Variants in GLI2 observed in about 807,000 individuals in gnomAD.
GLI2 encodes GLI family zinc finger 2, also known as transcription activator GLI2.
In GLI2, 22 loss-of-function variants were observed where a neutral mutation model predicts 78.9. The observed-to-expected ratio is 0.28, with a 90% confidence interval of 0.20 to 0.40. The LOEUF (loss-of-function observed/expected upper bound fraction) is 0.40, where lower values mean the gene tolerates loss of function less well. GLI2 is among the 10% of genes least tolerant of loss of function. The pLI, the probability that GLI2 is intolerant of heterozygous loss-of-function variation, is 1.00. For synonymous variants in GLI2, 974 were observed against 963.7 expected (o/e 1.01, Z -0.20); for missense variants, 2,097 against 2,213.2 (o/e 0.95, Z 1.05).
rs143225268 is a variant in GLI2 at position 120,829,158 on chromosome 2, A to G, written c.148+31690A>G. On this transcript the variant is annotated intron_variant, in intron 2 of 13. Transcript: ENST00000361492. ...ATCACCACGTGCACACCCAGCACCC[A>G]CACGCACCCTTCATACACTTATACA... 3.2e-3 allele frequency among the ~76,000 whole-genome samples: 488 copies of G among 152,272 alleles called. 2 individuals are homozygous for G. The highest frequency in any genetic ancestry group is 5.4e-3 in the Non-Finnish European group (369 of 68,024).
rs182118157 is a variant in GLI2 at position 120,984,487 on chromosome 2, A to G, written c.1649A>G (p.Lys550Arg). The G allele has an allele frequency of 1.9e-6, 3 of 1,614,202 alleles. No individual in the cohort carries two copies. The highest frequency in any genetic ancestry group is 3.3e-5 in the Admixed American group (2 of 60,026). The change falls in exon 12 of 14, where the codon AAG becomes AGG. Residue 550 changes from lysine to arginine, a missense_variant. Physicochemically the swap from Lys to Arg is conservative, Grantham distance 26. Around this residue, in one of 5 missense-constraint regions of GLI2, gnomAD observed 104 missense variants for 190.6 expected, o/e 0.55. Coordinates refer to ENST00000361492, the MANE Select transcript of GLI2 (RefSeq NM_001374353.1). ...THSNEKPYIC[K>R]IPGCTKRYTD... ...TCTCCCCAGAAACCCTACATCTGCA[A>G]GATCCCAGGCTGCACCAAGAGATAC... is the stretch of plus-strand genomic sequence containing the variant.
intron 1 of GLI2, among the ~76,000 whole-genome samples, chr2:120,784,695 AT>A (rs1030820325): frequency 5.3e-5 from 8 of 152,004 alleles, no homozygotes; most frequent in African/African-American, 1.9e-4. Flanking sequence ...CACAGCCTCC[AT>A]CTGCTGTGGT....
intron 5 of GLI2, among the ~76,000 whole-genome samples, chr2:120,965,505 A>G (rs1288557642): frequency 2.1e-5 from 3 of 144,856 alleles, no homozygotes; most frequent in African/African-American, 5.2e-5. Flanking sequence ...AGAGGGGCAC[A>G]CTCCAGCCGG....
intron 1 of GLI2, among the ~76,000 whole-genome samples, chr2:120,781,249 A>G (rs886605816): frequency 6.6e-6 from 1 of 151,940 alleles, no homozygotes; most frequent in Non-Finnish European, 1.5e-5. Context: ...GTGCGGGGGG[A>G]TGAGGAGAAA....
At chr2:120,842,104 G>C (rs1335194229) in intron 2 of GLI2, among the ~76,000 whole-genome samples, 1 of 141,704 alleles carries the variant, frequency 7.1e-6, no homozygotes, top group Non-Finnish European at 1.5e-5. Context: ...AAGTTGATGA[G>C]ATTGAAACCA....
chr2:120,739,344 G>T (rs1682459660), intron 1 of GLI2, among the ~76,000 whole-genome samples: 1 of 152,152 alleles, frequency 6.6e-6, no homozygotes, highest in Non-Finnish European at 1.5e-5. Flanking sequence ...CTTTAAATGG[G>T]AGTAGGAGGT....
chr2:120,857,739 C>A (rs1050518728), intron 2 of GLI2, among the ~76,000 whole-genome samples: 1 of 152,162 alleles, frequency 6.6e-6, no homozygotes, highest in Admixed American at 6.5e-5. Flanking sequence ...CCAGGTCCCA[C>A]CTCAGTGTAG....
At chr2:120,804,845 G>GT (rs1684868610) in intron 2 of GLI2, among the ~76,000 whole-genome samples, 1 of 152,230 alleles carries the variant, frequency 6.6e-6, no homozygotes, top group South Asian at 2.1e-4. Flanking sequence ...GGAGCATGAG[G>GT]TTGGAGACTT....
At chr2:120,893,938 G>A (rs564670392) in intron 2 of GLI2, among the ~76,000 whole-genome samples, 4 of 152,276 alleles carry the variant, frequency 2.6e-5, no homozygotes, top group African/African-American at 9.6e-5. Context: ...GAATTGTGTG[G>A]GGCTGACAGC....
intron 2 of GLI2, among the ~76,000 whole-genome samples, chr2:120,830,920 GTGTCTCTGTGTCTTC>G (rs1459569223): frequency 6.6e-6 from 1 of 150,596 alleles, no homozygotes; most frequent in Non-Finnish European, 1.5e-5. Flanking sequence ...GGATCACTCT[GTGTCTCTGTGTCTTC>G]TGTCTCTGTG....
rs140615306 is a variant in GLI2 at position 120,848,948 on chromosome 2, A to G, written c.148+51480A>G. Among the ~76,000 whole-genome samples the G allele has an allele frequency of 6.6e-3, 1,003 of 152,322 alleles. 9 individuals carry two copies. Among genetic ancestry groups the G allele is most frequent in the African/African-American group, 0.023 (960 of 41,562 alleles). ...TGGCTTTAATATTAAATGGATGATG[A>G]AGGCAAGGATAAACAAACTGTAGCT... On this transcript the variant is annotated intron_variant, in intron 2 of 13. Coordinates refer to ENST00000361492, the MANE Select transcript of GLI2 (RefSeq NM_001374353.1).
chr2:120,761,742 C>T (rs1193920343), intron 1 of GLI2, among the ~76,000 whole-genome samples: 2 of 152,176 alleles, frequency 1.3e-5, no homozygotes, highest in Non-Finnish European at 2.9e-5. Context: ...TGGGAAGGAG[C>T]AGCTTGTGCC....
chr2:120,887,826 T>G (rs547197345), intron 2 of GLI2, among the ~76,000 whole-genome samples: 8 of 152,366 alleles, frequency 5.3e-5, no homozygotes, highest in South Asian at 4.1e-4. Context: ...TACCAGCGTT[T>G]GCCCAGGTCC....
At chr2:120,785,092 A>C (rs1452597790) in intron 1 of GLI2, among the ~76,000 whole-genome samples, 1 of 152,180 alleles carries the variant, frequency 6.6e-6, no homozygotes, top group Non-Finnish European at 1.5e-5. Flanking sequence ...GCGCATGTCC[A>C]GGCTGCAGCA....
intron 2 of GLI2, among the ~76,000 whole-genome samples, chr2:120,811,840 C>T (rs1375091393): frequency 6.6e-6 from 1 of 152,098 alleles, no homozygotes; most frequent in Non-Finnish European, 1.5e-5. Flanking sequence ...TTTCCTCCCT[C>T]CCTCCCTCCT....
At chr2:120,755,998 G>A (rs2104638717) in intron 1 of GLI2, among the ~76,000 whole-genome samples, 1 of 152,286 alleles carries the variant, frequency 6.6e-6, no homozygotes, top group Non-Finnish European at 1.5e-5. Context: ...AAGTCTTGAA[G>A]TCAGGTAGCT....
intron 2 of GLI2, among the ~76,000 whole-genome samples, chr2:120,817,127 A>G (rs1030432890): frequency 6.6e-6 from 1 of 152,270 alleles, no homozygotes; most frequent in African/African-American, 2.4e-5. Flanking sequence ...TAGGATTATT[A>G]TGAAAATGTG....
chr2:120,934,534 C>T (rs1376516270), intron 3 of GLI2, among the ~76,000 whole-genome samples: 1 of 152,162 alleles, frequency 6.6e-6, no homozygotes, highest in Admixed American at 6.5e-5. Flanking sequence ...GGAGGAGTGA[C>T]GAGGGGGCTC....
chr2:120,763,005 A>T (rs1683258822), intron 1 of GLI2, among the ~76,000 whole-genome samples: 2 of 152,210 alleles, frequency 1.3e-5, no homozygotes, highest in African/African-American at 4.8e-5. Context: ...AGGGCTTTCC[A>T]TATGGGGGAC....
Sources: gnomAD v4.1 joint callset for allele counts (sites outside exome capture counted in the v4.1 genomes callset) on GRCh38, gnomAD v4.1.1 for gene constraint, gnomAD v4.1.1 regional missense constraint, MANE v1.5 for transcripts, NCBI Gene and HGNC (gene_info 2026-07-23, HGNC 2026-07-21) for gene names.